Variants in TNS4 observed in about 807,000 individuals in gnomAD.
TNS4 encodes tensin 4.
A neutral mutation model predicts 70.4 loss-of-function variants in TNS4; 46 were observed. The observed-to-expected ratio is 0.65, with a 90% CI of 0.52 to 0.84. TNS4 has a LOEUF of 0.84. Among genes scored for constraint, TNS4 ranks in the 40% least tolerant of loss-of-function variants. TNS4 has a pLI of 0.00. For missense variants in TNS4, 863 were observed against 907.0 expected (o/e 0.95, Z 0.62); for synonymous variants, 390 against 366.6 (o/e 1.06, Z -0.73).
chr17:40,487,582 C>T, intron 3 of TNS4, 122 bp from the exon 4 acceptor site: 1 of 999,060 alleles, frequency 1.0e-6, no homozygotes, highest in South Asian at 1.7e-5. Flanking sequence ...ACACTGCATA[C>T]CCCACCCCCT....
At chr17:40,493,028 G>A (rs1468754220) in intron 2 of TNS4, among the ~76,000 whole-genome samples, 3 of 152,054 alleles carry the variant, frequency 2.0e-5, no homozygotes, top group East Asian at 1.9e-4. Flanking sequence ...TTAGCCGGGC[G>A]TGGTGACATG....
chr17:40,500,982 C>T (rs2036207711), intron 1 of TNS4, among the ~76,000 whole-genome samples: 1 of 152,152 alleles, frequency 6.6e-6, no homozygotes, highest in Non-Finnish European at 1.5e-5. Context: ...TCAGGCAAGC[C>T]TCTTCTCTGT....
chr17:40,478,448 C>G, intron 11 of TNS4, 115 bp from the exon 12 acceptor site: 1 of 1,532,352 alleles, frequency 6.5e-7, no homozygotes, highest in South Asian at 1.2e-5. Context: ...CCACCCTACC[C>G]TCATTCTGTC....
chr17:40,484,107 A>G (rs2035961036), intron 6 of TNS4, among the ~76,000 whole-genome samples: 4 of 152,226 alleles, frequency 2.6e-5, no homozygotes, highest in Admixed American at 2.6e-4. Context: ...CTGGTAAGCT[A>G]TCACCTGTGA....
chr17:40,480,587 G>A (rs1185921316), intron 9 of TNS4, 113 bp downstream of exon 9: 2 of 1,042,774 alleles, frequency 1.9e-6, no homozygotes, highest in Admixed American at 3.9e-5. Context: ...GCTGAGATGG[G>A]AAACACGTGT....
Position 40,478,213 on chromosome 17 carries a change from A to G in TNS4, c.2006+94T>C, listed in dbSNP as rs1597686312. 5.2e-6 allele frequency: 8 copies of G among 1,537,094 alleles called. No homozygotes were observed. In the East Asian group the frequency reaches 1.8e-4, roughly 35 times the overall value. ...AGGACCAGGGCCTGTGCCCTCATCA[A>G]CACTTTGGACTATTAAAGTCAGAAT... On this transcript the variant is annotated intron_variant, in intron 12 of 12. Coordinates refer to ENST00000254051, the MANE Select transcript of TNS4 (RefSeq NM_032865.6).
At position 40,479,750 on chromosome 17, in the gene TNS4, C is replaced by T; in HGVS notation, c.1834G>A (p.Asp612Asn). Residue 612 changes from aspartate (D) to asparagine (N), a missense_variant, in exon 10 of 13, where the codon GAC becomes AAC. Coordinates refer to ENST00000254051, the MANE Select transcript of TNS4 (RefSeq NM_032865.6). ...ACCACGGTGGGCGTGGGGAGGATGTCCCTCTCAAAGGTGGTGGAGATGGCT... is the reference window on the plus strand; with the variant it reads ...ACCACGGTGGGCGTGGGGAGGATGTTCCTCTCAAAGGTGGTGGAGATGGCT... The part of the protein sequence containing the change: ...QKAISTTFER[D>N]ILPTPTVVHF... 6.2e-7 allele frequency: 1 copy of T among 1,614,050 alleles called. No individual in the cohort carries two copies. Among genetic ancestry groups the T allele is most frequent in the Non-Finnish European group, 8.5e-7 (1 of 1,180,012 alleles).
chr17:40,492,907 C>T (rs1165774204), intron 2 of TNS4, among the ~76,000 whole-genome samples: 4 of 151,926 alleles, frequency 2.6e-5, no homozygotes, highest in African/African-American at 9.7e-5. Flanking sequence ...ATTAGCTGGG[C>T]ATAGTGGTGG....
chr17:40,485,280 G>A (rs1333002164), intron 4 of TNS4, among the ~76,000 whole-genome samples: 1 of 152,224 alleles, frequency 6.6e-6, no homozygotes, highest in African/African-American at 2.4e-5. Context: ...CTCAGTTTAA[G>A]GAGAAATGGT....
chr17:40,497,389 A>G (rs2036159157), intron 1 of TNS4, among the ~76,000 whole-genome samples: 1 of 152,200 alleles, frequency 6.6e-6, no homozygotes, highest in Non-Finnish European at 1.5e-5. Flanking sequence ...TGATCCCTTG[A>G]GGTCAGGAGT....
intron 8 of TNS4, among the ~76,000 whole-genome samples, chr17:40,481,363 T>C (rs970403956): frequency 1.3e-5 from 2 of 152,062 alleles, no homozygotes; most frequent in African/African-American, 4.8e-5. Flanking sequence ...CTTTCTCTCT[T>C]TCTTTCTTTC....
chr17:40,485,098 T>A, intron 4 of TNS4, 91 bp from the exon 5 acceptor site: 1 of 1,105,034 alleles, frequency 9.0e-7, no homozygotes, highest in Non-Finnish European at 1.4e-6. Context: ...CCTTCCCTAC[T>A]CTATTGCCCC....
intron 1 of TNS4, among the ~76,000 whole-genome samples, chr17:40,499,205 C>T (rs887750531): frequency 1.3e-5 from 2 of 152,282 alleles, no homozygotes; most frequent in Admixed American, 6.5e-5. Flanking sequence ...CTGTGAAAAT[C>T]CCTTTCCTGT....
intron 5 of TNS4, 55 bp from the exon 6 acceptor site, chr17:40,484,664 C>G (rs1037900894): frequency 6.2e-7 from 1 of 1,603,344 alleles, no homozygotes; most frequent in Non-Finnish European, 8.5e-7. Flanking sequence ...CACCCTGTCC[C>G]CAGCCCCGTA....
intron 1 of TNS4, among the ~76,000 whole-genome samples, chr17:40,499,738 C>T (rs2036189554): frequency 1.3e-5 from 2 of 152,238 alleles, no homozygotes; most frequent in East Asian, 1.9e-4. Context: ...GACACAGAGC[C>T]GGAACCACGG....
intron 1 of TNS4, among the ~76,000 whole-genome samples, chr17:40,498,004 A>C (rs2036167211): frequency 2.0e-5 from 3 of 152,194 alleles, no homozygotes; most frequent in African/African-American, 7.2e-5. Flanking sequence ...GGAGGTAAGA[A>C]GTTCTGGGAC....
chr17:40,499,592 T>C (rs559589654), intron 1 of TNS4, among the ~76,000 whole-genome samples: 1 of 152,276 alleles, frequency 6.6e-6, no homozygotes, highest in African/African-American at 2.4e-5. Flanking sequence ...CGCCCGTGGC[T>C]CCGGTAGGTC....
At chr17:40,495,958 C>G (rs147257924) in intron 2 of TNS4, 29 bp downstream of exon 2, 4 of 1,572,880 alleles carry the variant, frequency 2.5e-6, no homozygotes, top group Non-Finnish European at 3.4e-6. Context: ...ACCAAGCCCC[C>G]CTCCTGGTAC....
intron 2 of TNS4, among the ~76,000 whole-genome samples, chr17:40,493,815 C>T (rs34471740): frequency 0.056 from 8,516 of 152,304 alleles, 758 homozygotes; most frequent in African/African-American, 0.2. Flanking sequence ...TTGTCACCAA[C>T]CCCCACCCAA....
Sources: gnomAD v4.1 joint callset for allele counts (sites outside exome capture counted in the v4.1 genomes callset) on GRCh38, gnomAD v4.1.1 for gene constraint, MANE v1.5 for transcripts, NCBI Gene and HGNC (gene_info 2026-07-23, HGNC 2026-07-21) for gene names.